The following C10orf90 variants were observed in gnomAD, a reference collection of about 807,000 sequenced individuals.
C10orf90 encodes the protein (E2-independent) E3 ubiquitin-conjugating enzyme FATS.
In C10orf90, 56 loss-of-function variants were observed where a neutral mutation model predicts 62.5. That is an observed-to-expected ratio of 0.90 (90% CI 0.72 to 1.12). The LOEUF is 1.12. C10orf90 is among the 50% of genes most tolerant of loss of function. C10orf90 has a pLI of 0.00. For missense variants in C10orf90, 970 were observed against 880.4 expected (o/e 1.10, Z -1.29); for synonymous variants, 386 against 340.4 (o/e 1.13, Z -1.47).
intron 2 of C10orf90, among the ~76,000 whole-genome samples, chr10:126,565,984 C>T (rs767346105): frequency 2.5e-4 from 38 of 152,218 alleles, no homozygotes; most frequent in Non-Finnish European, 4.0e-4. Flanking sequence ...AGATCATTTT[C>T]CTGTGTGCAG....
intron 4 of C10orf90, among the ~76,000 whole-genome samples, chr10:126,470,749 C>CA (rs201564373): frequency 0.025 from 2,048 of 82,254 alleles, 23 homozygotes; most frequent in African/African-American, 0.048. Context: ...GACTCTGTCT[C>CA]AAAAAAAAAA....
At chr10:126,512,565 A>T (rs1863193906) in intron 3 of C10orf90, among the ~76,000 whole-genome samples, 1 of 152,172 alleles carries the variant, frequency 6.6e-6, no homozygotes, top group South Asian at 2.1e-4. Flanking sequence ...AAATATCCTC[A>T]GTTGATATCT....
chr10:126,471,146 A>G, intron 4 of C10orf90, among the ~76,000 whole-genome samples: 1 of 152,240 alleles, frequency 6.6e-6, no homozygotes, highest in East Asian at 1.9e-4. Flanking sequence ...TTACCCACAA[A>G]GATGATCCAC....
intron 5 of C10orf90, among the ~76,000 whole-genome samples, chr10:126,464,071 C>A (rs1564810482): frequency 6.6e-6 from 1 of 152,262 alleles, no homozygotes; most frequent in Non-Finnish European, 1.5e-5. Context: ...CTGACATAAC[C>A]GGGCACCACA....
At chr10:126,641,566 T>A (rs1199479743) in intron 2 of C10orf90, among the ~76,000 whole-genome samples, 1 of 152,002 alleles carries the variant, frequency 6.6e-6, no homozygotes, top group Non-Finnish European at 1.5e-5. Flanking sequence ...ACATTTCCCC[T>A]AAATGATTTC....
intron 2 of C10orf90, among the ~76,000 whole-genome samples, chr10:126,605,456 C>G (rs1307787632): frequency 6.6e-6 from 1 of 152,152 alleles, no homozygotes; most frequent in Admixed American, 6.5e-5. Context: ...AGAGGTCCCT[C>G]TACTCCTGCA....
intron 7 of C10orf90, among the ~76,000 whole-genome samples, chr10:126,434,509 C>G (rs774781045): frequency 6.6e-6 from 1 of 152,126 alleles, no homozygotes; most frequent in Non-Finnish European, 1.5e-5. Flanking sequence ...CTGAAGTCAC[C>G]CCGAGCACTT....
intron 4 of C10orf90, among the ~76,000 whole-genome samples, chr10:126,482,415 C>A (rs539798514): frequency 1.3e-5 from 2 of 152,316 alleles, no homozygotes; most frequent in South Asian, 4.1e-4. Context: ...TCACATGACC[C>A]TCAAGGCCTG....
At chr10:126,514,099 T>C (rs1384401564) in intron 2 of C10orf90, among the ~76,000 whole-genome samples, 160 bp from the exon 3 acceptor site, 2 of 152,240 alleles carry the variant, frequency 1.3e-5, no homozygotes, top group Non-Finnish European at 2.9e-5. Flanking sequence ...TACACTTCTC[T>C]TATTTCATGC....
chr10:126,567,974 GAGA>G (rs112771741), intron 2 of C10orf90, among the ~76,000 whole-genome samples: 3,535 of 152,164 alleles, frequency 0.023, 133 homozygotes, highest in African/African-American at 0.08. Flanking sequence ...TGGGAGAAAA[GAGA>G]AGGAGAAAAC....
chr10:126,494,138 C>T (rs565772472), intron 4 of C10orf90, among the ~76,000 whole-genome samples: 2 of 152,350 alleles, frequency 1.3e-5, no homozygotes, highest in African/African-American at 2.4e-5. Context: ...ATACGACCCA[C>T]CTATATGCAG....
chr10:126,656,183 G>A (rs1184568829), intron 1 of C10orf90, among the ~76,000 whole-genome samples: 1 of 152,174 alleles, frequency 6.6e-6, no homozygotes, highest in Non-Finnish European at 1.5e-5. Context: ...CAGGCATTAT[G>A]TAATCTCCAT....
At chr10:126,454,869 T>C (rs894071396) in intron 7 of C10orf90, among the ~76,000 whole-genome samples, 1 of 152,090 alleles carries the variant, frequency 6.6e-6, no homozygotes, top group East Asian at 1.9e-4. Context: ...CCCAGGCAAC[T>C]CTGGTGAATT....
At position 126,459,232 on chromosome 10, in the gene C10orf90, G is replaced by T. The variant is rs1859789702; in HGVS notation, c.2011-15C>A. The T allele has an allele frequency of 1.2e-6, 2 of 1,612,564 alleles. No individual in the cohort carries two copies. Among genetic ancestry groups the T allele is most frequent in the South Asian group, 1.1e-5 (1 of 91,068 alleles). On this transcript the variant is annotated splice_polypyrimidine_tract_variant and intron_variant, in intron 6 of 9. Transcript: ENST00000488181. Reference sequence around the variant, plus strand: ...TCCAGTGCTTCCTATGCAAAGCAAAGAAAATACGTCATTTTTAAGAGCAGT... The same window carrying T: ...TCCAGTGCTTCCTATGCAAAGCAAATAAAATACGTCATTTTTAAGAGCAGT...
intron 2 of C10orf90, among the ~76,000 whole-genome samples, chr10:126,529,585 T>C (rs926024005): frequency 2.0e-5 from 3 of 152,206 alleles, no homozygotes; most frequent in Non-Finnish European, 4.4e-5. Flanking sequence ...CATTTCTCAA[T>C]AGAATCATAT....
intron 2 of C10orf90, among the ~76,000 whole-genome samples, chr10:126,595,610 G>A (rs2576024): frequency 0.13 from 20,174 of 152,126 alleles, 2,575 homozygotes; most frequent in African/African-American, 0.32. Context: ...CTGCAGGTCC[G>A]GTTCTGGCAT....
chr10:126,554,546 A>G (rs576150073), intron 2 of C10orf90, among the ~76,000 whole-genome samples: 11 of 152,362 alleles, frequency 7.2e-5, no homozygotes, highest in African/African-American at 2.4e-4. Context: ...CTATCTCATT[A>G]AACATAATGA....
intron 1 of C10orf90, among the ~76,000 whole-genome samples, chr10:126,647,407 C>T (rs1395913797): frequency 2.0e-5 from 3 of 152,198 alleles, no homozygotes; most frequent in Non-Finnish European, 4.4e-5. Context: ...CAGTTCATGT[C>T]CCAGTCCCGA....
At chr10:126,460,748 T>C (rs1209770887) in intron 6 of C10orf90, among the ~76,000 whole-genome samples, 1 of 152,080 alleles carries the variant, frequency 6.6e-6, no homozygotes, top group Non-Finnish European at 1.5e-5. Flanking sequence ...AGCCAGCCAA[T>C]GGAGCCATCT....
Sources: gnomAD v4.1 joint callset for allele counts (sites outside exome capture counted in the v4.1 genomes callset) on GRCh38, gnomAD v4.1.1 for gene constraint, MANE v1.5 for transcripts, NCBI Gene and HGNC (gene_info 2026-07-23, HGNC 2026-07-21) for gene names.